Variants in CACNA1S observed in about 807,000 individuals in gnomAD.
CACNA1S encodes the protein calcium voltage-gated channel subunit alpha1 S.
In CACNA1S, 126 loss-of-function variants were observed where a neutral mutation model predicts 207.4. That is an observed-to-expected ratio of 0.61 (90% CI 0.53 to 0.70). The LOEUF is 0.70. CACNA1S is among the 30% of genes least tolerant of loss of function. CACNA1S has a pLI of 0.00. For synonymous variants in CACNA1S, 960 were observed against 932.7 expected, an observed-to-expected ratio of 1.03 and a Z score of -0.53; for missense variants, 2,349 against 2,422.8, an observed-to-expected ratio of 0.97 and a Z score of 0.64.
rs1167052895 is a variant in CACNA1S, at chr1:201,066,850, T to C, written c.2657+37A>G. ...CAAAGCCCTGGCACAGAGCAGAGGG[T>C]GGTCTGTGCCCAGGGCTGGCCCTTG... is the stretch of plus-strand genomic sequence containing the variant. On this transcript the variant is annotated intron_variant, in intron 20 of 43. Coordinates refer to ENST00000362061, the MANE Select transcript of CACNA1S (RefSeq NM_000069.3). The surrounding 1 kb of genome is among the most constrained non-coding windows in gnomAD (Gnocchi z 4.3). 2.7e-6 allele frequency: 4 copies of C among 1,458,260 alleles called. No individual in the cohort carries two copies. In the South Asian group the frequency reaches 3.5e-5, roughly 13 times the overall value. The allele number at this position is 1,458,260 out of a possible 1,614,324, so 90.3% of individuals were successfully genotyped here.
chr1:201,079,948 CTGTT>C (rs1661784664), intron 10 of CACNA1S, among the ~76,000 whole-genome samples: 1 of 152,224 alleles, frequency 6.6e-6, no homozygotes, highest in Non-Finnish European at 1.5e-5. Context: ...TATCTCAAGA[CTGTT>C]TGGGGTAGTC....
chr1:201,085,557 C>G lies in CACNA1S; in HGVS notation c.1029G>C (p.Lys343Asn). 6.2e-7 allele frequency: 1 copy of G among 1,613,744 alleles called. No individual in the cohort carries two copies. Among genetic ancestry groups the G allele is most frequent in the Admixed American group, 1.7e-5 (1 of 59,972 alleles). ...TCTGGAAGGTTCCCCTGGACTTGGC[C>G]TTCTCCCGCTCCTTGGTGAATTCCC... is the stretch of plus-strand genomic sequence containing the variant. ...LSGEFTKERE[K>N]AKSRGTFQKL... Residue 343 changes from lysine (K) to asparagine (N), a missense_variant, in exon 8 of 44, where the codon AAG (lysine) becomes AAC (asparagine). Physicochemically the swap from Lys to Asn is moderately conservative, Grantham distance 94. Coordinates refer to ENST00000362061, the MANE Select transcript of CACNA1S (RefSeq NM_000069.3).
rs777417458 is a variant in CACNA1S at position 201,085,386 on chromosome 1, T to A, written c.1150+50A>T. 15 of 1,611,986 alleles carry A rather than the reference T, an allele frequency of 9.3e-6. No homozygotes were observed. In the East Asian group the frequency reaches 3.1e-4, roughly 34 times the overall value. ...CTGATTGCAAGGTATGACTCAGAGG[T>A]GGGAGTGAGAGAGTGGGGTGAGTGC... On this transcript the variant is annotated intron_variant, in intron 8 of 43. Transcript: ENST00000362061.
At position 201,041,591 on chromosome 1, in the gene CACNA1S, T is replaced by A; in HGVS notation, c.5049-2A>T. On this transcript the variant is annotated splice_acceptor_variant, in intron 40 of 43. Coordinates refer to ENST00000362061, the MANE Select transcript of CACNA1S (RefSeq NM_000069.3). LOFTEE classifies it high-confidence loss of function. ...GGGAACTCCCTTTCATAGTGGACAC[T>A]GAAATGGAAGCAAGGCTGGGTGAAC... 1 of 1,610,680 alleles carries A rather than the reference T, an allele frequency of 6.2e-7. No individual in the cohort carries two copies. The highest frequency in any genetic ancestry group is 8.5e-7 in the Non-Finnish European group (1 of 1,176,902).
At position 201,069,481 on chromosome 1, in the gene CACNA1S, C is replaced by T; in HGVS notation, c.2481G>A (p.Met827Ile). The T allele has an allele frequency of 6.2e-7, 1 of 1,605,072 alleles. No individual in the cohort carries two copies. The highest frequency in any genetic ancestry group is 8.5e-7 in the Non-Finnish European group (1 of 1,176,946). ...GGGTGAAGCCCGTCACCTGATTTCT[C>T]ATGGAATCAGCCCGGATGGGGTCTT... ...AAEDPIRADSMRNQILKHFDI... is the reference protein window; with the variant it reads ...AAEDPIRADSIRNQILKHFDI... Residue 827 changes from methionine to isoleucine, a missense_variant, in exon 18 of 44, where the codon ATG (methionine) becomes ATA (isoleucine). Coordinates refer to ENST00000362061, the MANE Select transcript of CACNA1S (RefSeq NM_000069.3).
chr1:201,076,967 G>A lies in CACNA1S; in HGVS notation c.1780C>T (p.Arg594Cys), dbSNP rs200165212. 1.1e-4 allele frequency: 179 copies of A among 1,614,112 alleles called. 3 individuals are homozygous for A. The Admixed American group carries it at 2.5e-3, about 23-fold the overall frequency. ...RYDFEDTEVR[R>C]SNFDNFPQAL... ...TGGGGAAAGTTGTCAAAGTTGCTGC[G>A]CCGTACTTCTGTGTCTTCAAAGTCA... Residue 594 changes from arginine (R) to cysteine (C), a missense_variant, in exon 12 of 44, where the codon CGC becomes TGC. Physicochemically the swap from Arg to Cys is radical, Grantham distance 180. Coordinates refer to ENST00000362061, the MANE Select transcript of CACNA1S (RefSeq NM_000069.3).
chr1:201,068,377 G>T (rs1572041262), intron 19 of CACNA1S, among the ~76,000 whole-genome samples: 2 of 150,124 alleles, frequency 1.3e-5, no homozygotes, highest in East Asian at 4.0e-4. Flanking sequence ...TGAGTAGTTG[G>T]GATTACAGGT....
At position 201,040,018 on chromosome 1, in the gene CACNA1S, T is replaced by C. The variant is rs1558047698; in HGVS notation, c.5435A>G (p.Gln1812Arg). The change falls in exon 44 of 44, where the codon CAG (glutamine) becomes CGG (arginine). Residue 1812 changes from glutamine (Q) to arginine (R), a missense_variant. Physicochemically the swap from Gln to Arg is conservative, Grantham distance 43 (BLOSUM62 1). Transcript: ENST00000362061. ...ADANFIMATGQALADACQMEP... is the reference protein window; with the variant it reads ...ADANFIMATGRALADACQMEP... ...CATTTGGCAGGCATCTGCCAGGGCC[T>C]GGCCTGTTGCCATGATGAAGTTTGC... 1.2e-6 allele frequency: 2 copies of C among 1,613,986 alleles called. No homozygotes were observed. The highest frequency in any genetic ancestry group is 1.7e-5 in the Admixed American group (1 of 60,006).
intron 28 of CACNA1S, among the ~76,000 whole-genome samples, chr1:201,056,090 C>CACATACACACAA (rs1188505291): frequency 1.3e-5 from 2 of 150,234 alleles, no homozygotes; most frequent in Non-Finnish European, 3.0e-5. Context: ...CACACACACA[C>CACATACACACAA]ACACACACAC....
At chr1:201,079,062 A>G (rs935435768) in intron 10 of CACNA1S, among the ~76,000 whole-genome samples, 25 of 148,670 alleles carry the variant, frequency 1.7e-4, no homozygotes, top group African/African-American at 6.1e-4. Flanking sequence ...CGGAGGTTGC[A>G]GTGAGCCGAG....
intron 32 of CACNA1S, 39 bp downstream of exon 32, chr1:201,052,518 G>A (rs752387238): frequency 6.7e-7 from 1 of 1,502,408 alleles, no homozygotes; most frequent in Non-Finnish European, 9.3e-7. Context: ...GGCTGGACTG[G>A]TCAGCGGGGT....
At chr1:201,064,590 T>G (rs1661179296) in intron 22 of CACNA1S, among the ~76,000 whole-genome samples, 1 of 152,192 alleles carries the variant, frequency 6.6e-6, no homozygotes, top group South Asian at 2.1e-4. Context: ...TAAGACTGAC[T>G]GGGGTTATGT....
rs370647481 is a variant in CACNA1S at position 201,039,921 on chromosome 1, G to C, written c.5532C>G (p.Ser1844Arg). Reference protein sequence around the residue: ...KGREAPEGMASSLGCLNLGSS... With the variant: ...KGREAPEGMARSLGCLNLGSS... ...ACCCGAGGTTCAGGCATCCCAGGGAGCTGGCCATGCCCTCTGGGGCCTCTC... is the reference window on the plus strand; with the variant it reads ...ACCCGAGGTTCAGGCATCCCAGGGACCTGGCCATGCCCTCTGGGGCCTCTC... The change falls in exon 44 of 44, where the codon AGC becomes AGG. Residue 1844 changes from serine (S) to arginine (R), a missense_variant. By Grantham distance (110) the Ser-to-Arg change is moderately radical. Transcript: ENST00000362061. 5.0e-6 allele frequency: 8 copies of C among 1,613,938 alleles called. No homozygotes were observed. The highest frequency in any genetic ancestry group is 6.8e-6 in the Non-Finnish European group (8 of 1,180,044).
rs754668127 is a variant in CACNA1S at position 201,110,265 on chromosome 1, A to G, written c.157T>C (p.Phe53Leu). The G allele has an allele frequency of 2.1e-5, 34 of 1,614,186 alleles. No individual in the cohort carries two copies. Among genetic ancestry groups the G allele is most frequent in the Non-Finnish European group, 2.8e-5 (33 of 1,179,988 alleles). ...ACISIVEWKP[F>L]ETIILLTIFA... The stretch of plus-strand genomic sequence containing the variant: ...ATGGTGAGCAAGATGATCGTCTCGA[A>G]GGGCCTGGAGCCAGGGTTAAGGAGA... The change falls in exon 2 of 44, where the codon TTC becomes CTC. Residue 53 changes from phenylalanine to leucine, a missense_variant. Physicochemically the swap from Phe to Leu is conservative, Grantham distance 22. Transcript: ENST00000362061.
At chr1:201,044,096 G>A (rs900657967) in intron 39 of CACNA1S, among the ~76,000 whole-genome samples, 5 of 152,236 alleles carry the variant, frequency 3.3e-5, no homozygotes, top group African/African-American at 9.6e-5. Flanking sequence ...GGGAAGGGGT[G>A]AGATTTGGTA....
At chr1:201,090,236 G>A (rs574295955) in intron 5 of CACNA1S, among the ~76,000 whole-genome samples, 3 of 152,312 alleles carry the variant, frequency 2.0e-5, no homozygotes, top group South Asian at 2.1e-4. Context: ...GCCCCGATCC[G>A]AGAGGGGCTT....
Position 201,062,533 on chromosome 1 carries a change from A to G in CACNA1S, c.2854-19T>C. On this transcript the variant is annotated intron_variant, in intron 22 of 43. Transcript: ENST00000362061. ...ACTTCCCCTGCAGCCAGGAAGAGGG[A>G]GGGAGGGAGGGAGGCATGTTGTCAT... The G allele has an allele frequency of 1.4e-6, 1 of 724,964 alleles. No homozygotes were observed. The highest frequency in any genetic ancestry group is 2.4e-6 in the Non-Finnish European group (1 of 420,994). The allele number at this position is 724,964 out of a possible 1,614,324, so 44.9% of individuals were successfully genotyped here.
Position 201,089,427 on chromosome 1 carries a change from G to T in CACNA1S, c.731C>A (p.Pro244His), listed in dbSNP as rs1178814320. The change falls in exon 6 of 44, where the codon CCC becomes CAC. Residue 244 changes from proline (P) to histidine (H), a missense_variant. Physicochemically the swap from Pro to His is moderately conservative, Grantham distance 77 (BLOSUM62 -2). Coordinates refer to ENST00000362061, the MANE Select transcript of CACNA1S (RefSeq NM_000069.3). ...GCGCCCTGAGCCCGTCCTGGCGCAGGGCGATGGCTCTTCATTCTCCACCGT... is the reference window on the plus strand; with the variant it reads ...GCGCCCTGAGCCCGTCCTGGCGCAGTGCGATGGCTCTTCATTCTCCACCGT... The part of the protein sequence containing the change: ...VATVENEEPS[P>H]CARTGSGRRC... 1.2e-6 allele frequency: 2 copies of T among 1,614,048 alleles called. No individual in the cohort carries two copies. Among genetic ancestry groups the T allele is most frequent in the African/African-American group, 2.7e-5 (2 of 74,934 alleles).
At position 201,060,768 on chromosome 1, in the gene CACNA1S, T is replaced by C. The variant is rs778032258; in HGVS notation, c.3304A>G (p.Ile1102Val). ...TGGTACTGGTATGGGTTTTTGGGAATGTAGCACCTCAGTGGGCGGGCCTTC... is the reference window on the plus strand; with the variant it reads ...TGGTACTGGTATGGGTTTTTGGGAACGTAGCACCTCAGTGGGCGGGCCTTC... Reference protein sequence around the residue: ...ALKARPLRCYIPKNPYQYQVW... With the variant: ...ALKARPLRCYVPKNPYQYQVW... Residue 1102 changes from isoleucine (I) to valine (V), a missense_variant, in exon 26 of 44, where the codon ATT becomes GTT. Coordinates refer to ENST00000362061, the MANE Select transcript of CACNA1S (RefSeq NM_000069.3). 1 of 1,614,238 alleles carries C rather than the reference T, an allele frequency of 6.2e-7. No individual in the cohort carries two copies. The highest frequency in any genetic ancestry group is 8.5e-7 in the Non-Finnish European group (1 of 1,180,050).
Sources: allele counts gnomAD v4.1 joint callset (sites outside exome capture counted in the v4.1 genomes callset), GRCh38; gene constraint gnomAD v4.1.1; non-coding constraint Gnocchi (gnomAD v3.1); transcripts MANE v1.5; gene names NCBI Gene and HGNC (gene_info 2026-07-23, HGNC 2026-07-21).